The following NYAP2 variants were observed in gnomAD, a reference collection of about 807,000 sequenced individuals.
The protein encoded by NYAP2 is neuronal tyrosine-phosphorylated phosphoinositide-3-kinase adapter 2.
NYAP2 carries 23 observed loss-of-function variants against 50.4 expected under a neutral mutation model. The ratio of observed to expected loss-of-function variants is 0.46; its 90% CI spans 0.33 to 0.65. The LOEUF is 0.65. Among genes scored for constraint, NYAP2 ranks in the 30% least tolerant of loss-of-function variants. The probability of loss-of-function intolerance (pLI) is 0.02; values close to 1 mark genes in which losing one functional copy is unlikely to be tolerated. For synonymous variants in NYAP2, 394 were observed against 365.2 expected, an observed-to-expected ratio of 1.08 and a Z score of -0.90; for missense variants, 885 against 861.0, an observed-to-expected ratio of 1.03 and a Z score of -0.35.
At chr2:225,655,885 TACACAC>T (rs372646871), downstream of NYAP2, among the ~76,000 whole-genome samples, 561 of 121,162 alleles carry the variant, frequency 4.6e-3, 3 homozygotes, top group African/African-American at 0.01. Context: ...CAACCTCCAC[TACACAC>T]ACACACACAC....
chr2:225,497,607 T>C (rs1399516956), intron 3 of NYAP2, among the ~76,000 whole-genome samples: 2 of 152,256 alleles, frequency 1.3e-5, no homozygotes, highest in Non-Finnish European at 1.5e-5. Flanking sequence ...TGGGTTTATA[T>C]GTGCATTTAA....
At chr2:225,485,151 C>T (rs941768136) in intron 3 of NYAP2, among the ~76,000 whole-genome samples, 3 of 152,078 alleles carry the variant, frequency 2.0e-5, no homozygotes, top group Admixed American at 2.0e-4. Context: ...GGTGGTTTCC[C>T]CCATACTGTT....
chr2:225,614,067 A>G (rs1692944389), intron 5 of NYAP2, among the ~76,000 whole-genome samples: 1 of 152,206 alleles, frequency 6.6e-6, no homozygotes, highest in African/African-American at 2.4e-5. Flanking sequence ...CCACGATTGT[A>G]TCTGAGAAAA....
chr2:225,497,926 C>G (rs1482777227), intron 3 of NYAP2, among the ~76,000 whole-genome samples: 1 of 152,046 alleles, frequency 6.6e-6, no homozygotes, highest in East Asian at 1.9e-4. Context: ...GATGACATAA[C>G]TTATTATCTA....
intron 5 of NYAP2, among the ~76,000 whole-genome samples, chr2:225,590,641 A>T (rs1168705465): frequency 6.6e-6 from 1 of 152,206 alleles, no homozygotes; most frequent in Non-Finnish European, 1.5e-5. Flanking sequence ...TAACAAGGTT[A>T]AAAGATAATT....
At chr2:225,538,815 TTTC>T (rs1691402539) in intron 4 of NYAP2, among the ~76,000 whole-genome samples, 1 of 84,566 alleles carries the variant, frequency 1.2e-5, no homozygotes, top group South Asian at 2.8e-4. Flanking sequence ...TCTTTCTTTC[TTTC>T]TTTCTTTCTT....
At chr2:225,632,533 C>T (rs1016663731) in intron 6 of NYAP2, among the ~76,000 whole-genome samples, 3 of 152,180 alleles carry the variant, frequency 2.0e-5, no homozygotes, top group African/African-American at 7.2e-5. Context: ...TGAAGTAAAG[C>T]AAATGTGTCA....
At chr2:225,631,745 C>T (rs773723361) in intron 6 of NYAP2, among the ~76,000 whole-genome samples, 5 of 152,064 alleles carry the variant, frequency 3.3e-5, no homozygotes, top group Non-Finnish European at 5.9e-5. Context: ...CTAGAAAATG[C>T]CAAAAATGGC....
chr2:225,510,149 A>G (rs1690785718), intron 3 of NYAP2, among the ~76,000 whole-genome samples: 1 of 152,248 alleles, frequency 6.6e-6, no homozygotes, highest in Admixed American at 6.5e-5. Context: ...CATACAAGCA[A>G]GAAACAAACC....
intron 5 of NYAP2, among the ~76,000 whole-genome samples, chr2:225,610,459 C>A (rs1692862465): frequency 6.6e-6 from 1 of 152,130 alleles, no homozygotes; most frequent in Admixed American, 6.6e-5. Context: ...AATAGAGTCA[C>A]ATTGTGGGAT....
At chr2:225,432,299 A>G (rs1689280308) in intron 3 of NYAP2, among the ~76,000 whole-genome samples, 1 of 151,354 alleles carries the variant, frequency 6.6e-6, no homozygotes, top group African/African-American at 2.4e-5. Flanking sequence ...CCCGGCCAGC[A>G]ATGATAGGTT....
At chr2:225,524,252 CAA>C (rs1691114844) in intron 4 of NYAP2, among the ~76,000 whole-genome samples, 1 of 152,102 alleles carries the variant, frequency 6.6e-6, no homozygotes, top group African/African-American at 2.4e-5. Flanking sequence ...TGGTGTAAGT[CAA>C]AGAGTCTAAA....
chr2:225,492,638 A>T (rs1336641739), intron 3 of NYAP2, among the ~76,000 whole-genome samples: 2 of 152,206 alleles, frequency 1.3e-5, no homozygotes, highest in African/African-American at 4.8e-5. Flanking sequence ...CAGACTGTAC[A>T]TGCGTGGCCC....
the NYAP2 span, among the ~76,000 whole-genome samples, chr2:225,659,033 G>A: frequency 6.6e-6 from 1 of 152,206 alleles, no homozygotes; most frequent in African/African-American, 2.4e-5. Flanking sequence ...GCTCATGCCT[G>A]CCGCCAACAA....
intron 4 of NYAP2, among the ~76,000 whole-genome samples, chr2:225,567,044 C>A (rs961530449): frequency 6.6e-6 from 1 of 152,056 alleles, no homozygotes; most frequent in Admixed American, 6.6e-5. Context: ...AGTGTACTTA[C>A]CCAAACCCAG....
chr2:225,592,399 C>G (rs538799240), intron 5 of NYAP2, among the ~76,000 whole-genome samples: 3 of 152,170 alleles, frequency 2.0e-5, no homozygotes, highest in Admixed American at 1.3e-4. Flanking sequence ...TGGGGTAAAA[C>G]AGACAAAGCA....
intron 5 of NYAP2, among the ~76,000 whole-genome samples, chr2:225,611,033 C>A (rs1304030351): frequency 6.6e-6 from 1 of 152,124 alleles, no homozygotes; most frequent in African/African-American, 2.4e-5. Context: ...TTATGGACTT[C>A]AAGGTTTCAG....
Position 225,448,750 on chromosome 2 carries a change from CCA to C in NYAP2, c.221+39650_221+39651del, listed in dbSNP as rs1261521894. ...TTTAGAAGCACTGAACGGTGACAAG[CCA>C]TTGTCTTTGTCATGCTCCAGAATCA... On this transcript the variant is annotated intron_variant, in intron 3 of 6. Coordinates refer to ENST00000636099, the Ensembl canonical transcript of NYAP2. Among the ~76,000 whole-genome samples the C allele has an allele frequency of 3.9e-5, 6 of 152,152 alleles. No homozygotes were observed. In the East Asian group the frequency reaches 1.2e-3, roughly 29 times the overall value.
chr2:225,577,850 A>G (rs1692195727), intron 4 of NYAP2, among the ~76,000 whole-genome samples: 1 of 152,032 alleles, frequency 6.6e-6, no homozygotes, highest in African/African-American at 2.4e-5. Context: ...CCCCATATTG[A>G]AAGAATGAAT....
Sources: gnomAD v4.1 joint callset for allele counts (sites outside exome capture counted in the v4.1 genomes callset) on GRCh38, gnomAD v4.1.1 for gene constraint, MANE v1.5 for transcripts, NCBI Gene and HGNC (gene_info 2026-07-23, HGNC 2026-07-21) for gene names.